Variants in CLVS1 observed in about 807,000 individuals in gnomAD.
CLVS1 encodes clavesin-1.
CLVS1 carries 10 observed loss-of-function variants against 33.1 expected under a neutral mutation model. That is an observed-to-expected ratio of 0.30 (90% CI 0.19 to 0.51). CLVS1 has a LOEUF of 0.51. Ranked by LOEUF, CLVS1 falls within the 20% of genes least tolerant of loss-of-function variation. The probability of loss-of-function intolerance (pLI) is 0.97; values close to 1 mark genes in which losing one functional copy is unlikely to be tolerated. For synonymous variants in CLVS1, 163 were observed against 166.1 expected (o/e 0.98, Z 0.14); for missense variants, 343 against 433.4 (o/e 0.79, Z 1.85).
intron 2 of CLVS1, among the ~76,000 whole-genome samples, chr8:61,179,124 T>C (rs1478499394): frequency 5.3e-5 from 8 of 151,812 alleles, no homozygotes; most frequent in Non-Finnish European, 8.8e-5. Flanking sequence ...AAGACACACA[T>C]AGGCTCAAAA....
intron 3 of CLVS1, among the ~76,000 whole-genome samples, chr8:61,406,776 T>G (rs942042989): frequency 6.6e-6 from 1 of 151,978 alleles, no homozygotes. Flanking sequence ...CCCGGCTAAT[T>G]TTTTGTATTT....
chr8:61,435,920 T>C (rs1002560230), intron 3 of CLVS1, among the ~76,000 whole-genome samples: 7 of 152,130 alleles, frequency 4.6e-5, no homozygotes, highest in Admixed American at 1.3e-4. Context: ...AATTGTTCAT[T>C]GCAGAAAAAA....
At position 61,288,002 on chromosome 8, in the gene CLVS1, C is replaced by G; in HGVS notation, c.-288C>G. 2.4e-6 allele frequency: 1 copy of G among 418,970 alleles called. No individual in the cohort carries two copies. 26.0% of individuals were successfully genotyped at this position (418,970 alleles called of 1,614,324 possible). A position where few individuals can be genotyped will look rare whatever the true frequency, so the allele number is the denominator to read the frequency against. ...ACCAAAATCACAGCCCCTTGTGGAGCCCGAGCTCTCATTCACAGCTTTCTA... is the reference window on the plus strand; with the variant it reads ...ACCAAAATCACAGCCCCTTGTGGAGGCCGAGCTCTCATTCACAGCTTTCTA... On this transcript the variant is annotated 5_prime_UTR_variant, in exon 1 of 6. Coordinates refer to ENST00000325897, the MANE Select transcript of CLVS1 (RefSeq NM_173519.3).
At chr8:61,051,933 C>A in the CLVS1 span, among the ~76,000 whole-genome samples, 1 of 152,246 alleles carries the variant, frequency 6.6e-6, no homozygotes, top group Non-Finnish European at 1.5e-5. Context: ...TTGCCCAGGC[C>A]TCCTGTCCAC....
intron 2 of CLVS1, among the ~76,000 whole-genome samples, chr8:61,333,004 T>C (rs2129597417): frequency 6.6e-6 from 1 of 152,346 alleles, no homozygotes; most frequent in African/African-American, 2.4e-5. Context: ...TTTAGTTTCG[T>C]TCATATGTTT....
At chr8:61,354,641 T>G (rs1379142027) in intron 2 of CLVS1, among the ~76,000 whole-genome samples, 1 of 152,176 alleles carries the variant, frequency 6.6e-6, no homozygotes, top group Non-Finnish European at 1.5e-5. Flanking sequence ...TGATTACTAC[T>G]CAACAATAAA....
chr8:61,321,314 A>G (rs1811187105), intron 2 of CLVS1, among the ~76,000 whole-genome samples: 1 of 152,032 alleles, frequency 6.6e-6, no homozygotes, highest in African/African-American at 2.4e-5. Flanking sequence ...GTGGTTTGCT[A>G]GCTTGCCTCC....
chr8:61,061,856 T>C (rs1429015737), intron 1 of CLVS1, among the ~76,000 whole-genome samples: 2 of 151,952 alleles, frequency 1.3e-5, no homozygotes, highest in Non-Finnish European at 2.9e-5. Flanking sequence ...GAGCTTGAGG[T>C]ATAGCTCCAT....
At chr8:61,457,449 A>T (rs1817208528) in intron 4 of CLVS1, among the ~76,000 whole-genome samples, 1 of 152,050 alleles carries the variant, frequency 6.6e-6, no homozygotes, top group African/African-American at 2.4e-5. Context: ...CTAATTATCT[A>T]TTCATGTCTC....
At chr8:61,188,619 T>A (rs1003501473) in intron 2 of CLVS1, among the ~76,000 whole-genome samples, 2 of 152,048 alleles carry the variant, frequency 1.3e-5, no homozygotes, top group Admixed American at 1.3e-4. Flanking sequence ...AAAATTAAAA[T>A]TGCTAAAATT....
chr8:60,990,348 C>T, the CLVS1 span, among the ~76,000 whole-genome samples: 1 of 152,220 alleles, frequency 6.6e-6, no homozygotes, highest in Admixed American at 6.5e-5. Flanking sequence ...ATTTTGATGG[C>T]ACACGTTTAT....
At chr8:61,483,084 C>T (rs1803728934) in intron 5 of CLVS1, among the ~76,000 whole-genome samples, 1 of 152,188 alleles carries the variant, frequency 6.6e-6, no homozygotes, top group African/African-American at 2.4e-5. Flanking sequence ...CAAGAAATAA[C>T]TAAGATCAGA....
chr8:61,370,176 C>A (rs1385256042), intron 2 of CLVS1, among the ~76,000 whole-genome samples: 1 of 148,938 alleles, frequency 6.7e-6, no homozygotes, highest in Non-Finnish European at 1.5e-5. Context: ...AAAGACAGAA[C>A]TGGGCAAAGA....
intron 3 of CLVS1, among the ~76,000 whole-genome samples, chr8:61,426,711 T>A (rs573038424): frequency 1.3e-5 from 2 of 152,258 alleles, no homozygotes; most frequent in South Asian, 4.1e-4. Context: ...CTGTGCTAGG[T>A]GTTTGAAGAC....
At chr8:61,462,449 A>ATC (rs1817401839) in intron 5 of CLVS1, among the ~76,000 whole-genome samples, 1 of 152,114 alleles carries the variant, frequency 6.6e-6, no homozygotes, top group African/African-American at 2.4e-5. Flanking sequence ...CAATGGCATG[A>ATC]TCTCATCTCA....
intron 5 of CLVS1, among the ~76,000 whole-genome samples, chr8:61,478,188 G>C (rs1483909920): frequency 6.6e-6 from 1 of 152,200 alleles, no homozygotes; most frequent in Non-Finnish European, 1.5e-5. Context: ...GAGACAGTTT[G>C]TTATAATTTC....
chr8:61,019,601 C>T, the CLVS1 span, among the ~76,000 whole-genome samples: 1 of 152,152 alleles, frequency 6.6e-6, no homozygotes, highest in South Asian at 2.1e-4. Context: ...GAGAGAGTCT[C>T]ACTCTCCCAT....
intron 1 of CLVS1, among the ~76,000 whole-genome samples, chr8:61,122,569 A>AACACAC (rs4033855): frequency 0.03 from 4,337 of 144,556 alleles, 76 homozygotes; most frequent in Middle Eastern, 0.066. Context: ...ATATTAAGAA[A>AACACAC]ACACACACAC....
chr8:61,404,074 A>T (rs1814882501), intron 3 of CLVS1, among the ~76,000 whole-genome samples: 2 of 152,162 alleles, frequency 1.3e-5, no homozygotes, highest in African/African-American at 4.8e-5. Context: ...CCCTGCCTGG[A>T]GTGAGGATTC....
Sources: allele counts gnomAD v4.1 joint callset (sites outside exome capture counted in the v4.1 genomes callset), GRCh38; gene constraint gnomAD v4.1.1; transcripts MANE v1.5; gene names NCBI Gene and HGNC (gene_info 2026-07-23, HGNC 2026-07-21).